Variants in DNAAF4 observed in about 807,000 individuals in gnomAD.
DNAAF4 encodes the protein dynein assembly factor 4, axonemal.
In DNAAF4, 43 loss-of-function variants were observed where a neutral mutation model predicts 51.8. The observed-to-expected ratio is 0.83, with a 90% confidence interval of 0.65 to 1.07. DNAAF4 has a LOEUF of 1.07. DNAAF4 is among the 50% of genes least tolerant of loss of function. DNAAF4 has a pLI of 0.00. For missense variants in DNAAF4, 581 were observed against 493.0 expected (o/e 1.18, Z -1.69); for synonymous variants, 194 against 165.6 (o/e 1.17, Z -1.32).
At chr15:55,479,441 CA>C (rs1206686993) in intron 4 of DNAAF4, among the ~76,000 whole-genome samples, 4 of 151,954 alleles carry the variant, frequency 2.6e-5, no homozygotes, top group African/African-American at 9.7e-5. Flanking sequence ...ACCTCAGGAC[CA>C]CTGTGATAAT....
chr15:55,466,657 TAAC>T (rs1238729842), intron 5 of DNAAF4, among the ~76,000 whole-genome samples: 3 of 151,636 alleles, frequency 2.0e-5, no homozygotes, highest in Non-Finnish European at 4.4e-5. Flanking sequence ...AGCACTTATT[TAAC>T]AACATCTTTG....
At chr15:55,455,629 G>A (rs566017838) in intron 5 of DNAAF4, among the ~76,000 whole-genome samples, 95 of 151,718 alleles carry the variant, frequency 6.3e-4, no homozygotes, top group African/African-American at 2.2e-3. Context: ...ACAGGGTTTC[G>A]CCATGTTGCC....
chr15:55,470,225 T>C (rs2058234169), intron 4 of DNAAF4, among the ~76,000 whole-genome samples: 1 of 151,996 alleles, frequency 6.6e-6, no homozygotes, highest in Non-Finnish European at 1.5e-5. Flanking sequence ...CTAATTTTTG[T>C]ATTTTTAGTA....
At chr15:55,432,244 C>T (rs902359539) in intron 9 of DNAAF4, among the ~76,000 whole-genome samples, 1 of 152,144 alleles carries the variant, frequency 6.6e-6, no homozygotes, top group Non-Finnish European at 1.5e-5. Flanking sequence ...AGCATCTGCA[C>T]CCAGCTAATA....
intron 9 of DNAAF4, among the ~76,000 whole-genome samples, chr15:55,431,427 C>CTCTGAGATAAATA (rs1468784764): frequency 6.6e-6 from 1 of 151,046 alleles, no homozygotes; most frequent in East Asian, 1.9e-4. Context: ...CGAAGAAGCT[C>CTCTGAGATAAATA]TCTGAGATAA....
chr15:55,449,109 C>G (rs533347354), intron 6 of DNAAF4, among the ~76,000 whole-genome samples: 2 of 150,322 alleles, frequency 1.3e-5, no homozygotes, highest in Admixed American at 6.6e-5. Context: ...CCTGCCTCAG[C>G]CTCCCGAGTA....
chr15:55,463,172 TCA>T (rs3221985), intron 5 of DNAAF4, among the ~76,000 whole-genome samples: 2,113 of 140,256 alleles, frequency 0.015, 28 homozygotes, highest in African/African-American at 0.029. Context: ...AGACTCTGTC[TCA>T]CACACACACA....
intron 7 of DNAAF4, among the ~76,000 whole-genome samples, chr15:55,425,123 C>T (rs990909682): frequency 6.6e-6 from 1 of 152,192 alleles, no homozygotes; most frequent in African/African-American, 2.4e-5. Context: ...CCTCGGCCTC[C>T]CAAAGTGCTG....
At chr15:55,463,067 G>C (rs2058116212) in intron 5 of DNAAF4, among the ~76,000 whole-genome samples, 1 of 151,984 alleles carries the variant, frequency 6.6e-6, no homozygotes, top group South Asian at 2.1e-4. Flanking sequence ...CCAGATACTG[G>C]GGAGGTTGAG....
chr15:55,475,445 C>G (rs1003308084), intron 4 of DNAAF4, among the ~76,000 whole-genome samples: 1 of 152,108 alleles, frequency 6.6e-6, no homozygotes, highest in South Asian at 2.1e-4. Flanking sequence ...CTCCTAAAAC[C>G]CCCTCCCAGC....
chr15:55,492,931 G>A (rs562507920), intron 3 of DNAAF4, among the ~76,000 whole-genome samples: 59 of 152,274 alleles, frequency 3.9e-4, no homozygotes, highest in African/African-American at 1.4e-3. Context: ...TATAAAAGAG[G>A]TATCTCTGAT....
chr15:55,500,685 A>C (rs1476675607), intron 1 of DNAAF4, among the ~76,000 whole-genome samples: 3 of 152,172 alleles, frequency 2.0e-5, no homozygotes, highest in Non-Finnish European at 4.4e-5. Context: ...CTCTGAATGA[A>C]TTATACCTTA....
chr15:55,442,128 T>C (rs2057724375), intron 6 of DNAAF4, among the ~76,000 whole-genome samples: 1 of 152,066 alleles, frequency 6.6e-6, no homozygotes, highest in African/African-American at 2.4e-5. Flanking sequence ...TTTTGTTTTG[T>C]TTTGTTTTGA....
At chr15:55,472,407 CAGG>C (rs2058268006) in intron 4 of DNAAF4, among the ~76,000 whole-genome samples, 1 of 152,098 alleles carries the variant, frequency 6.6e-6, no homozygotes, top group African/African-American at 2.4e-5. Context: ...CACTTGAGGT[CAGG>C]AGTTCAAGAA....
chr15:55,451,539 T>C (rs1307482745), intron 5 of DNAAF4, among the ~76,000 whole-genome samples: 1 of 151,062 alleles, frequency 6.6e-6, no homozygotes, highest in Non-Finnish European at 1.5e-5. Context: ...AAACCAGGAG[T>C]GGGGAATTTG....
Position 55,483,846 on chromosome 15 carries a change from T to A in DNAAF4, c.405+7277A>T, listed in dbSNP as rs1359537401. On this transcript the variant is annotated intron_variant, in intron 4 of 9. Coordinates refer to ENST00000321149, the MANE Select transcript of DNAAF4 (RefSeq NM_130810.4). ...CAGCCAATAAAGCTTTTTTTTTTTT[T>A]TTTTTTTTTTTTTTTTTTTTTTTTT... Among the ~76,000 whole-genome samples the A allele has an allele frequency of 7.8e-4, 52 of 66,944 alleles. 1 individual carries two copies. Among genetic ancestry groups the A allele is most frequent in the South Asian group, 5.0e-3 (12 of 2,406 alleles). 43.9% of individuals were successfully genotyped at this position (66,944 alleles called of 152,430 possible). A position where few individuals can be genotyped will look rare whatever the true frequency, so the allele number is the denominator to read the frequency against.
intron 3 of DNAAF4, among the ~76,000 whole-genome samples, chr15:55,491,747 ATAT>A (rs2058577538): frequency 7.1e-6 from 1 of 141,590 alleles, no homozygotes; most frequent in South Asian, 2.1e-4. Flanking sequence ...ATATAATATT[ATAT>A]TATAATAGTA....
chr15:55,443,049 T>C, intron 6 of DNAAF4: 19 of 1,611,108 alleles, frequency 1.2e-5, no homozygotes, highest in Non-Finnish European at 1.6e-5. Context: ...ACACTTGTTC[T>C]TCTTTCATAA....
chr15:55,421,264 G>T (rs1018159445), intron 7 of DNAAF4, among the ~76,000 whole-genome samples: 4 of 151,726 alleles, frequency 2.6e-5, no homozygotes, highest in African/African-American at 9.7e-5. Context: ...CTTTTGAGAG[G>T]CCGAGGTGGT....
Sources: gnomAD v4.1 joint callset for allele counts (sites outside exome capture counted in the v4.1 genomes callset) on GRCh38, gnomAD v4.1.1 for gene constraint, MANE v1.5 for transcripts, NCBI Gene and HGNC (gene_info 2026-07-23, HGNC 2026-07-21) for gene names.